The following GAS7 variants were observed in gnomAD, a reference collection of about 807,000 sequenced individuals.
GAS7 encodes growth arrest-specific protein 7.
In GAS7, 28 loss-of-function variants were observed where a neutral mutation model predicts 71.1. The observed-to-expected ratio is 0.39, with a 90% CI of 0.29 to 0.54. The LOEUF is 0.54. GAS7 is among the 20% of genes least tolerant of loss of function. The probability of loss-of-function intolerance (pLI) is 0.62; values close to 1 mark genes in which losing one functional copy is unlikely to be tolerated. For synonymous variants in GAS7, 258 were observed against 245.8 expected, an observed-to-expected ratio of 1.05 and a Z score of -0.46; for missense variants, 436 against 627.8, an observed-to-expected ratio of 0.69 and a Z score of 3.27.
chr17:10,175,044 C>A (rs1208943857), intron 1 of GAS7, among the ~76,000 whole-genome samples: 2 of 152,158 alleles, frequency 1.3e-5, no homozygotes, highest in East Asian at 3.9e-4. Flanking sequence ...GGGGGTCTCA[C>A]TATGTTGCCC....
Position 9,910,937 on chromosome 17 carries a change from A to C in GAS7, c.*6291T>G. The C allele has an allele frequency of 4.3e-6, 1 of 231,934 alleles. No individual in the cohort carries two copies. Among genetic ancestry groups the C allele is most frequent in the Admixed American group, 5.6e-5 (1 of 17,748 alleles). The allele number at this position is 231,934 out of a possible 1,614,324, so 14.4% of individuals were successfully genotyped here. The stretch of plus-strand genomic sequence containing the variant: ...CGGCTCTTTAACATGAAAAATGTAT[A>C]AAGTATTTAGCAAAAGTTACAGAAA... On this transcript the variant is annotated 3_prime_UTR_variant, in exon 14 of 14. Coordinates refer to ENST00000432992, the MANE Select transcript of GAS7 (RefSeq NM_201433.2).
intron 1 of GAS7, among the ~76,000 whole-genome samples, chr17:10,131,253 T>TTCC (rs1254734465): frequency 6.6e-6 from 1 of 152,236 alleles, no homozygotes; most frequent in Non-Finnish European, 1.5e-5. Flanking sequence ...CACCTAAACT[T>TTCC]TAAGTTTCTG....
chr17:10,040,574 C>T (rs1348656252), intron 1 of GAS7, among the ~76,000 whole-genome samples: 1 of 144,800 alleles, frequency 6.9e-6, no homozygotes, highest in Non-Finnish European at 1.5e-5. Flanking sequence ...AGAATCCCCC[C>T]CACCTTCTTT....
At chr17:10,108,220 C>G (rs1567594972) in intron 1 of GAS7, among the ~76,000 whole-genome samples, 1 of 152,202 alleles carries the variant, frequency 6.6e-6, no homozygotes, top group Non-Finnish European at 1.5e-5. Context: ...TGCATCCTCT[C>G]CCTAACAACC....
At chr17:10,147,546 A>G (rs1045839574) in intron 1 of GAS7, among the ~76,000 whole-genome samples, 1 of 152,194 alleles carries the variant, frequency 6.6e-6, no homozygotes, top group Non-Finnish European at 1.5e-5. Flanking sequence ...TACTCAAAAT[A>G]ACAGGAACAT....
At chr17:9,921,910 G>T (rs1003352267) in intron 11 of GAS7, among the ~76,000 whole-genome samples, 10 of 143,536 alleles carry the variant, frequency 7.0e-5, no homozygotes, top group Admixed American at 6.6e-4. Flanking sequence ...AGTGAGCAGA[G>T]ATCGCACCAC....
At chr17:9,990,589 A>C (rs2070804379) in intron 2 of GAS7, among the ~76,000 whole-genome samples, 2 of 152,234 alleles carry the variant, frequency 1.3e-5, no homozygotes, top group South Asian at 4.1e-4. Flanking sequence ...AGCCACACAC[A>C]TATCTGAGGG....
chr17:9,927,218 G>A (rs2068035142), intron 9 of GAS7, among the ~76,000 whole-genome samples: 1 of 151,416 alleles, frequency 6.6e-6, no homozygotes, highest in African/African-American at 2.4e-5. Context: ...GGAGGCCAAG[G>A]CAGGTTGATC....
intron 1 of GAS7, among the ~76,000 whole-genome samples, chr17:10,091,472 C>T (rs2073581046): frequency 6.6e-6 from 1 of 152,136 alleles, no homozygotes; most frequent in African/African-American, 2.4e-5. Context: ...ACTGCAACCT[C>T]CGCCTCCCAG....
chr17:10,193,505 A>T (rs2074517694), intron 1 of GAS7, among the ~76,000 whole-genome samples: 2 of 151,790 alleles, frequency 1.3e-5, no homozygotes, highest in South Asian at 4.2e-4. Context: ...TTCCAAATTG[A>T]CTCTGGACAG....
intron 1 of GAS7, among the ~76,000 whole-genome samples, chr17:10,025,814 G>A (rs745490471): frequency 5.3e-5 from 8 of 152,128 alleles, no homozygotes; most frequent in Non-Finnish European, 8.8e-5. Context: ...AAGCCACTCC[G>A]TTGCAGCATT....
At chr17:9,923,859 A>G (rs2067905660) in intron 11 of GAS7, among the ~76,000 whole-genome samples, 1 of 152,244 alleles carries the variant, frequency 6.6e-6, no homozygotes, top group African/African-American at 2.4e-5. Flanking sequence ...ACTCTGAAAC[A>G]ATCTAAGAGT....
intron 1 of GAS7, among the ~76,000 whole-genome samples, chr17:10,125,568 A>G (rs1221020012): frequency 6.6e-6 from 1 of 150,712 alleles, no homozygotes; most frequent in East Asian, 1.9e-4. Context: ...AACTGTGTGT[A>G]TAATATGATC....
At position 10,133,674 on chromosome 17, in the gene GAS7, G is replaced by A. The variant is rs973395599; in HGVS notation, c.183+64534C>T. On this transcript the variant is annotated intron_variant, in intron 1 of 13. Transcript: ENST00000432992. Reference sequence around the variant, plus strand: ...AACTAAATTTTGTGTTCTTTGACCAGCATATTCCCCACCCGCAACCCATAG... The same window carrying A: ...AACTAAATTTTGTGTTCTTTGACCAACATATTCCCCACCCGCAACCCATAG... Among the ~76,000 whole-genome samples, 14 of 152,092 alleles carry A rather than the reference G, an allele frequency of 9.2e-5. 2 individuals carry two copies. Among genetic ancestry groups the A allele is most frequent in the Admixed American group, 6.6e-4 (10 of 15,254 alleles).
At chr17:9,982,939 C>G (rs2070490332) in intron 2 of GAS7, among the ~76,000 whole-genome samples, 1 of 152,146 alleles carries the variant, frequency 6.6e-6, no homozygotes, top group Admixed American at 6.5e-5. Flanking sequence ...CACTACTTTA[C>G]CCATTTCACT....
At chr17:10,162,066 C>CAAAAAAAAAAAAAAAAAAAAAAAAAAAAA (rs58368044) in intron 1 of GAS7, among the ~76,000 whole-genome samples, 1 of 103,618 alleles carries the variant, frequency 9.7e-6, no homozygotes, top group Non-Finnish European at 1.9e-5. Context: ...GACTCCATCT[C>CAAAAAAAAAAAAAAAAAAAAAAAAAAAAA]AAAAAAAAAA....
chr17:9,978,848 G>A (rs1370623596), intron 3 of GAS7, among the ~76,000 whole-genome samples: 3 of 152,146 alleles, frequency 2.0e-5, no homozygotes, highest in Non-Finnish European at 2.9e-5. Context: ...CTTGAGCAGC[G>A]CTGAACTGAG....
intron 2 of GAS7, among the ~76,000 whole-genome samples, chr17:10,006,992 G>T (rs943448396): frequency 4.6e-5 from 7 of 152,094 alleles, no homozygotes; most frequent in Admixed American, 2.0e-4. Context: ...TTGGGGCTAC[G>T]ATACATGTTT....
intron 2 of GAS7, among the ~76,000 whole-genome samples, chr17:9,998,888 C>CT: frequency 6.6e-6 from 1 of 151,974 alleles, no homozygotes; most frequent in South Asian, 2.1e-4. Context: ...TATAACAAGA[C>CT]ACTCCCTGCC....
Sources: allele counts gnomAD v4.1 joint callset (sites outside exome capture counted in the v4.1 genomes callset), GRCh38; gene constraint gnomAD v4.1.1; transcripts MANE v1.5; gene names NCBI Gene and HGNC (gene_info 2026-07-23, HGNC 2026-07-21).